MLKL: variants seen among roughly 807,000 people sequenced by gnomAD.
The protein encoded by MLKL is mixed lineage kinase domain like pseudokinase, also known as mixed lineage kinase domain-like protein.
In MLKL, 55 loss-of-function variants were observed where a neutral mutation model predicts 56.5. The observed-to-expected ratio is 0.97, with a 90% confidence interval of 0.78 to 1.22. MLKL has a LOEUF of 1.22. Ranked by LOEUF, MLKL falls within the 50% of genes most tolerant of loss-of-function variation. The probability of loss-of-function intolerance (pLI) is 0.00; values close to 1 mark genes in which losing one functional copy is unlikely to be tolerated. For synonymous variants in MLKL, 251 were observed against 208.3 expected (o/e 1.20, Z -1.76); for missense variants, 694 against 573.9 (o/e 1.21, Z -2.14).
chr16:74,672,637 G>T (rs1462890768), intron 10 of MLKL, 99 bp from the exon 11 acceptor site: 3 of 1,100,402 alleles, frequency 2.7e-6, no homozygotes, highest in African/African-American at 1.6e-5. Flanking sequence ...TTTAGAAACT[G>T]CATTCCCCCT....
chr16:74,672,646 C>T (rs1340202431), intron 10 of MLKL, 108 bp from the exon 11 acceptor site: 6 of 956,414 alleles, frequency 6.3e-6, no homozygotes, highest in Non-Finnish European at 8.2e-6. Flanking sequence ...TGCATTCCCC[C>T]TGGTCTGGCT....
At chr16:74,674,801 C>T (rs1959481940) in intron 10 of MLKL, among the ~76,000 whole-genome samples, 159 bp downstream of exon 10, 1 of 152,152 alleles carries the variant, frequency 6.6e-6, no homozygotes, top group Non-Finnish European at 1.5e-5. Context: ...ACCTCCCTGG[C>T]CTTATGACAA....
At chr16:74,676,199 G>A (rs907202765) in intron 7 of MLKL, 1 of 983,536 alleles carries the variant, frequency 1.0e-6, no homozygotes, top group African/African-American at 1.8e-5. Flanking sequence ...AAAATGGCAT[G>A]GGGGCATCCC....
chr16:74,690,073 C>G (rs561655856), intron 4 of MLKL, among the ~76,000 whole-genome samples: 5 of 152,082 alleles, frequency 3.3e-5, no homozygotes, highest in African/African-American at 1.2e-4. Flanking sequence ...ACAGACAAGA[C>G]AAAAGCAGCA....
intron 6 of MLKL, among the ~76,000 whole-genome samples, chr16:74,680,793 C>G (rs1959921451): frequency 6.6e-6 from 1 of 152,202 alleles, no homozygotes; most frequent in African/African-American, 2.4e-5. Flanking sequence ...ACGTGAGCTA[C>G]TGCGCCCAGC....
chr16:74,692,549 T>G (rs1471763212), intron 2 of MLKL, 133 bp from the exon 3 acceptor site: 2 of 656,824 alleles, frequency 3.0e-6, no homozygotes, highest in Non-Finnish European at 5.0e-6. Flanking sequence ...GGATTACTAC[T>G]GATCACCAAT....
chr16:74,688,353 T>A (rs1042952677), intron 4 of MLKL, among the ~76,000 whole-genome samples: 2 of 152,126 alleles, frequency 1.3e-5, no homozygotes, highest in Non-Finnish European at 2.9e-5. Flanking sequence ...CCTTATACAA[T>A]ACACCAAAAT....
At chr16:74,692,024 G>C (rs1411243397) in intron 3 of MLKL, among the ~76,000 whole-genome samples, 2 of 152,216 alleles carry the variant, frequency 1.3e-5, no homozygotes, top group South Asian at 2.1e-4. Context: ...ATGAATGAGT[G>C]GGCATTTTAA....
At chr16:74,697,552 T>C (rs980151309) in intron 1 of MLKL, among the ~76,000 whole-genome samples, 2 of 152,194 alleles carry the variant, frequency 1.3e-5, no homozygotes, top group African/African-American at 4.8e-5. Flanking sequence ...CAGATGAAGA[T>C]ACCATCTGGG....
chr16:74,695,608 C>G lies in MLKL; in HGVS notation c.150G>C (p.Lys50Asn). ...TTAACTTCTCAGAGGGCACGCTCCTCTTTCCTTGGTCCTGGAGCATCTCCA... is the reference window on the plus strand; with the variant it reads ...TTAACTTCTCAGAGGGCACGCTCCTGTTTCCTTGGTCCTGGAGCATCTCCA... ...KPLEMLQDQG[K>N]RSVPSEKLTT... The change falls in exon 2 of 11, where the codon AAG becomes AAC. Residue 50 changes from lysine (K) to asparagine (N), a missense_variant. Coordinates refer to ENST00000308807, the MANE Select transcript of MLKL (RefSeq NM_152649.4). The G allele has an allele frequency of 1.2e-6, 2 of 1,614,230 alleles. No homozygotes were observed. The highest frequency in any genetic ancestry group is 1.7e-6 in the Non-Finnish European group (2 of 1,180,050).
intron 1 of MLKL, among the ~76,000 whole-genome samples, chr16:74,696,695 C>T (rs886597888): frequency 1.5e-4 from 22 of 151,358 alleles, no homozygotes; most frequent in African/African-American, 3.6e-4. Context: ...CGGTGACTCA[C>T]GCCAGTAATC....
intron 1 of MLKL, among the ~76,000 whole-genome samples, chr16:74,696,099 C>T (rs924893498): frequency 1.3e-5 from 2 of 152,170 alleles, no homozygotes; most frequent in African/African-American, 4.8e-5. Flanking sequence ...TCACACTCTC[C>T]CTTGGTTGGC....
intron 8 of MLKL, 43 bp from the exon 9 acceptor site, chr16:74,675,447 C>T: frequency 6.2e-7 from 1 of 1,604,568 alleles, no homozygotes; most frequent in Non-Finnish European, 8.5e-7. Flanking sequence ...ACTAGTCTCC[C>T]CTTTCCCCTG....
chr16:74,684,250 C>A (rs966052754), intron 5 of MLKL, among the ~76,000 whole-genome samples: 2 of 151,522 alleles, frequency 1.3e-5, no homozygotes, highest in African/African-American at 4.8e-5. Context: ...GCCTGGCCTA[C>A]GTTTCCCTTT....
intron 2 of MLKL, 83 bp downstream of exon 2, chr16:74,695,215 T>C: frequency 7.1e-7 from 1 of 1,402,352 alleles, no homozygotes; most frequent in Non-Finnish European, 9.8e-7. Context: ...TCAAACTTCA[T>C]CATTGCTGCT....
chr16:74,692,437 A>G (rs1403657533), intron 2 of MLKL, 21 bp from the exon 3 acceptor site: 2 of 1,590,932 alleles, frequency 1.3e-6, no homozygotes, highest in African/African-American at 1.3e-5. Flanking sequence ...AAAGGGCAGT[A>G]TATGCTCAAA....
In MLKL at chr16:74,678,907, G is replaced by A; in HGVS notation, c.1030C>T (p.Gln344Ter). The A allele has an allele frequency of 6.2e-7, 1 of 1,614,006 alleles. No homozygotes were observed. ...CCGCAAGGCACACTCACCTTCACTTGGTAGCCTTGAGTTACCAGGAAGTTT... is the reference window on the plus strand; with the variant it reads ...CCGCAAGGCACACTCACCTTCACTTAGTAGCCTTGAGTTACCAGGAAGTTT... ...SSNFLVTQGY[Q>*]VKLAGFELRK... Residue 344 changes from glutamine to a stop codon, truncating the protein, a stop_gained, in exon 7 of 11, where the codon CAA (glutamine) becomes TAA (stop). Transcript: ENST00000308807. LOFTEE classifies it high-confidence loss of function.
chr16:74,683,611 ATTCTT>A (rs1245120993), intron 5 of MLKL, among the ~76,000 whole-genome samples: 1 of 148,376 alleles, frequency 6.7e-6, no homozygotes, highest in African/African-American at 2.5e-5. Context: ...AAAAAAAAAA[ATTCTT>A]TTTCTTTTTC....
chr16:74,675,689 T>C lies in MLKL; in HGVS notation c.1114A>G (p.Lys372Glu). The C allele has an allele frequency of 6.2e-7, 1 of 1,614,014 alleles. No individual in the cohort carries two copies. The highest frequency in any genetic ancestry group is 8.5e-7 in the Non-Finnish European group (1 of 1,179,868). ...TGAGGTGAGAGATATGCTGTAGATTTGACTCTGTCTGTCTTTTCTCTCGTA... is the reference window on the plus strand; with the variant it reads ...TGAGGTGAGAGATATGCTGTAGATTCGACTCTGTCTGTCTTTTCTCTCGTA... Reference protein sequence around the residue: ...GTTREKTDRVKSTAYLSPQEL... With the variant: ...GTTREKTDRVESTAYLSPQEL... The change falls in exon 8 of 11, where the codon AAA becomes GAA. Residue 372 changes from lysine (K) to glutamate (E), a missense_variant. Lys to Glu is a moderately conservative substitution (Grantham distance 56). Transcript: ENST00000308807.
Sources: gnomAD v4.1 joint callset for allele counts (sites outside exome capture counted in the v4.1 genomes callset) on GRCh38, gnomAD v4.1.1 for gene constraint, MANE v1.5 for transcripts, NCBI Gene and HGNC (gene_info 2026-07-23, HGNC 2026-07-21) for gene names.